The following GAD1 variants were observed in gnomAD, a reference collection of about 807,000 sequenced individuals.
GAD1 encodes the protein 67 kDa glutamic acid decarboxylase.
GAD1 carries 35 observed loss-of-function variants against 75.2 expected under a neutral mutation model. That is an observed-to-expected ratio of 0.47 (90% confidence interval 0.36 to 0.62). The LOEUF is 0.62. Ranked by LOEUF, GAD1 falls within the 20% of genes least tolerant of loss-of-function variation. The probability of loss-of-function intolerance (pLI) is 0.00; values close to 1 mark genes in which losing one functional copy is unlikely to be tolerated. For synonymous variants in GAD1, 257 were observed against 271.9 expected (o/e 0.95, Z 0.54); for missense variants, 490 against 758.5 (o/e 0.65, Z 4.16).
In GAD1 at chr2:170,853,830, T is replaced by C; in HGVS notation, c.1264-43T>C. The C allele has an allele frequency of 6.2e-7, 1 of 1,606,308 alleles. No individual in the cohort carries two copies. The highest frequency in any genetic ancestry group is 8.5e-7 in the Non-Finnish European group (1 of 1,173,004). On this transcript the variant is annotated intron_variant, in intron 13 of 16. Coordinates refer to ENST00000358196, the MANE Select transcript of GAD1 (RefSeq NM_000817.3). This position sits in a 1 kb window ranked among gnomAD's most constrained non-coding sequence, Gnocchi z 4.1. Reference sequence around the variant, plus strand: ...CTAGTTTTAAAGCCACCCACATCTCTGATGTGTAAATGCAGATGCACCCAT... The same window carrying C: ...CTAGTTTTAAAGCCACCCACATCTCCGATGTGTAAATGCAGATGCACCCAT...
intron 3 of GAD1, among the ~76,000 whole-genome samples, chr2:170,825,632 C>T (rs919140296): frequency 1.3e-5 from 2 of 152,230 alleles, no homozygotes; most frequent in Non-Finnish European, 2.9e-5. Flanking sequence ...CACACTCTCT[C>T]ACTGGGCCCC....
chr2:170,821,867 T>G, intron 2 of GAD1: 1 of 566,562 alleles, frequency 1.8e-6, no homozygotes, highest in Non-Finnish European at 3.2e-6. Context: ...GAGACACCGT[T>G]CCATATTTGA....
intron 7 of GAD1, 65 bp from the exon 8 acceptor site, chr2:170,845,441 C>A: frequency 7.5e-7 from 1 of 1,329,750 alleles, no homozygotes; most frequent in Non-Finnish European, 1.1e-6. Context: ...ACCAGCTCAG[C>A]GTTCGTTTTT....
chr2:170,833,828 C>G (rs1486274154), intron 5 of GAD1, among the ~76,000 whole-genome samples: 1 of 151,978 alleles, frequency 6.6e-6, no homozygotes, highest in Non-Finnish European at 1.5e-5. Context: ...GGCAAAACCC[C>G]ATCTCTACCA....
At chr2:170,859,418 C>T (rs1702916124) in intron 16 of GAD1, among the ~76,000 whole-genome samples, 1 of 152,056 alleles carries the variant, frequency 6.6e-6, no homozygotes, top group Non-Finnish European at 1.5e-5. Flanking sequence ...TATACAAAAC[C>T]CTGAATTTGT....
chr2:170,858,974 C>A, intron 16 of GAD1, 81 bp downstream of exon 16: 2 of 1,218,856 alleles, frequency 1.6e-6, no homozygotes, highest in Non-Finnish European at 2.4e-6. Context: ...ATGTGCCTTT[C>A]TAGTGGGGGA....
chr2:170,826,766 A>C (rs544748130), intron 3 of GAD1, among the ~76,000 whole-genome samples: 1 of 152,282 alleles, frequency 6.6e-6, no homozygotes, highest in African/African-American at 2.4e-5. Flanking sequence ...GTGGAGGTTC[A>C]GCTGGGCAGG....
Position 170,846,074 on chromosome 2 carries a change from C to T in GAD1, c.1002+11C>T, listed in dbSNP as rs752052674. On this transcript the variant is annotated intron_variant, in intron 10 of 16. Transcript: ENST00000358196. ...GAAGCCAAACAGAAGGTATGTACTCCGTGGTGCATCTGAACTCCAGTTTTA... is the reference window on the plus strand; with the variant it reads ...GAAGCCAAACAGAAGGTATGTACTCTGTGGTGCATCTGAACTCCAGTTTTA... 27 of 1,608,448 alleles carry T rather than the reference C, an allele frequency of 1.7e-5. No individual in the cohort carries two copies. Among genetic ancestry groups the T allele is most frequent in the East Asian group, 6.7e-5 (3 of 44,844 alleles).
rs137899511 is a variant in GAD1 at position 170,839,387 on chromosome 2, G to T, written c.638+2504G>T. 9.7e-4 allele frequency among the ~76,000 whole-genome samples: 148 copies of T among 152,310 alleles called. 1 individual carries two copies. The highest frequency in any genetic ancestry group is 3.6e-3 in the Admixed American group (55 of 15,304). On this transcript the variant is annotated intron_variant, in intron 6 of 16. Coordinates refer to ENST00000358196, the MANE Select transcript of GAD1 (RefSeq NM_000817.3). ...CCCAGCACTTTGGGAGGCCAAGGTG[G>T]ATGGGTCACCTAAAATGGGAGTTCG...
Position 170,829,624 on chromosome 2 carries a change from T to C in GAD1, c.295T>C (p.Phe99Leu). 1 of 1,613,218 alleles carries C rather than the reference T, an allele frequency of 6.2e-7. No homozygotes were observed. The highest frequency in any genetic ancestry group is 8.5e-7 in the Non-Finnish European group (1 of 1,180,022). The change falls in exon 4 of 17, where the codon TTT becomes CTT. Residue 99 changes from phenylalanine (F) to leucine (L), a missense_variant. Physicochemically the swap from Phe to Leu is conservative, Grantham distance 22 (BLOSUM62 0). This residue lies in a region of GAD1 where 165 missense variants were observed against 216.4 expected (regional missense o/e 0.76). Coordinates refer to ENST00000358196, the MANE Select transcript of GAD1 (RefSeq NM_000817.3). ...CACAGAGACTGACTTCTCTAATCTG[T>C]TTGCTAGAGGTAGCCCCTGCCCCAC... ...RRTETDFSNL[F>L]ARDLLPAKNG...
chr2:170,823,640 C>T lies in GAD1; in HGVS notation c.145+1491C>T, dbSNP rs1170197314. Among the ~76,000 whole-genome samples the T allele has an allele frequency of 1.3e-5, 2 of 150,676 alleles. 1 individual carries two copies. Among genetic ancestry groups the T allele is most frequent in the East Asian group, 4.0e-4 (2 of 5,010 alleles). On this transcript the variant is annotated intron_variant, in intron 3 of 16. Coordinates refer to ENST00000358196, the MANE Select transcript of GAD1 (RefSeq NM_000817.3). Reference sequence around the variant, plus strand: ...ATCTTTGTTCTATAAATAGCCCCGTCCCACTCCCACCCCCACCTCCACCCC... The same window carrying T: ...ATCTTTGTTCTATAAATAGCCCCGTTCCACTCCCACCCCCACCTCCACCCC...
At position 170,836,813 on chromosome 2, in the gene GAD1, C is replaced by G; in HGVS notation, c.568C>G (p.Gln190Glu). ...TCTAGGTCATCCTCGATTTTTCAAC[C>G]AGCTCTCCACTGGATTGGATATTAT... ...VRTGHPRFFN[Q>E]LSTGLDIIGL... The change falls in exon 6 of 17, where the codon CAG becomes GAG. Residue 190 changes from glutamine (Q) to glutamate (E), a missense_variant. Transcript: ENST00000358196. The G allele has an allele frequency of 6.2e-7, 1 of 1,613,778 alleles. No individual in the cohort carries two copies. The highest frequency in any genetic ancestry group is 8.5e-7 in the Non-Finnish European group (1 of 1,179,698).
At position 170,828,276 on chromosome 2, in the gene GAD1, T is replaced by TTCCCTCTGCCGTCCTCACCCTCC. The variant is rs879567602; in HGVS notation, c.146-1190_146-1189insCGTCCTCACCCTCCTCCCTCTGC. Among the ~76,000 whole-genome samples the TTCCCTCTGCCGTCCTCACCCTCC allele has an allele frequency of 6.4e-3, 523 of 81,152 alleles. 35 individuals are homozygous for TTCCCTCTGCCGTCCTCACCCTCC. In the East Asian group the frequency reaches 0.097, roughly 15 times the overall value. The allele number at this position is 81,152 out of a possible 152,430, so 53.2% of individuals were successfully genotyped here. A position where few individuals can be genotyped will look rare whatever the true frequency, so the allele number is the denominator to read the frequency against. On this transcript the variant is annotated intron_variant, in intron 3 of 16. Coordinates refer to ENST00000358196, the MANE Select transcript of GAD1 (RefSeq NM_000817.3). ...CTCTCTGCTGTCCTCACCCCTCCCC[T>TTCCCTCTGCCGTCCTCACCCTCC]TCCCTCTGCTGTCCTCACCCTCCTC...
chr2:170,815,345 G>A (rs3762557), upstream of GAD1, among the ~76,000 whole-genome samples: 3,203 of 152,284 alleles, frequency 0.021, 236 homozygotes, highest in East Asian at 0.27. Flanking sequence ...TCATCGTCAG[G>A]TGGAGACAAG....
At chr2:170,829,941 T>G (rs1702176383) in intron 4 of GAD1, 1 of 377,152 alleles carries the variant, frequency 2.7e-6, no homozygotes, top group South Asian at 2.5e-5. Context: ...GAAAATCTAA[T>G]GATTTCCTTA....
intron 2 of GAD1, among the ~76,000 whole-genome samples, chr2:170,820,408 A>C (rs1701841183): frequency 6.6e-6 from 1 of 152,234 alleles, no homozygotes; most frequent in Admixed American, 6.5e-5. Context: ...TCCCAGGCAC[A>C]CTGTTGCGGG....
At chr2:170,819,567 C>T (rs1007095867) in intron 2 of GAD1, among the ~76,000 whole-genome samples, 5 of 152,152 alleles carry the variant, frequency 3.3e-5, no homozygotes, top group Non-Finnish European at 4.4e-5. Context: ...TTATTTCCTA[C>T]CTCTGTAAAG....
At chr2:170,815,029 T>C (rs1701670175), upstream of GAD1, among the ~76,000 whole-genome samples, 1 of 152,188 alleles carries the variant, frequency 6.6e-6, no homozygotes, top group Non-Finnish European at 1.5e-5. Flanking sequence ...TCCTCCTTCC[T>C]GTCTCCTGCC....
chr2:170,835,506 T>A (rs1254833389), intron 5 of GAD1, among the ~76,000 whole-genome samples: 1 of 152,210 alleles, frequency 6.6e-6, no homozygotes, highest in East Asian at 1.9e-4. Flanking sequence ...GATATAAGAT[T>A]TGGGGGCACA....
Sources: gnomAD v4.1 joint callset for allele counts (sites outside exome capture counted in the v4.1 genomes callset) on GRCh38, gnomAD v4.1.1 for gene constraint, gnomAD v4.1.1 regional missense constraint, Gnocchi (gnomAD v3.1) non-coding constraint, MANE v1.5 for transcripts, NCBI Gene and HGNC (gene_info 2026-07-23, HGNC 2026-07-21) for gene names.